XIRP1: variants seen among roughly 807,000 people sequenced by gnomAD.
The protein encoded by XIRP1 is xin actin binding repeat containing 1.
For missense variants in XIRP1, 2,378 were observed against 2,345.4 expected (o/e 1.01, Z -0.29); for synonymous variants, 984 against 947.0 (o/e 1.04, Z -0.72).
In XIRP1 at chr3:39,189,268, G is replaced by A. The variant is rs1214699102; in HGVS notation, c.178C>T (p.His60Tyr). Residue 60 changes from histidine to tyrosine, a missense_variant, in exon 2 of 2, where the codon CAC (histidine) becomes TAC (tyrosine). Coordinates refer to ENST00000340369, the MANE Select transcript of XIRP1 (RefSeq NM_194293.4). ...TTCTTGCGGAGCTCAGGGTGGATGT[G>A]CCTGTAGAGGCGGCGGAGCTCACTA... ...QASELRRLYR[H>Y]IHPELRKNLA... 3 of 1,614,062 alleles carry A rather than the reference G, an allele frequency of 1.9e-6. No individual in the cohort carries two copies. The highest frequency in any genetic ancestry group is 1.7e-6 in the Non-Finnish European group (2 of 1,180,044).
chr3:39,187,759 G>A lies in XIRP1; in HGVS notation c.1687C>T (p.His563Tyr). The A allele has an allele frequency of 6.2e-7, 1 of 1,614,106 alleles. No individual in the cohort carries two copies. Residue 563 changes from histidine to tyrosine, a missense_variant, in exon 2 of 2, where the codon CAC becomes TAC. His to Tyr is a moderately conservative substitution (Grantham distance 83, BLOSUM62 2). Transcript: ENST00000340369. ...TGTCGTTCCTGCTGCTCCCGTTGGT[G>A]GATCATCTCCAGGGGCTGGGTCTCA... Reference protein sequence around the residue: ...LFETQPLEMIHQREQQERQKE... With the variant: ...LFETQPLEMIYQREQQERQKE...
At position 39,191,817 on chromosome 3, in the gene XIRP1, C is replaced by T. The variant is rs529933418; in HGVS notation, c.-81+629G>A. On this transcript the variant is annotated intron_variant, in intron 1 of 1. Coordinates refer to ENST00000340369, the MANE Select transcript of XIRP1 (RefSeq NM_194293.4). The stretch of plus-strand genomic sequence containing the variant: ...TCTGGGCAAATTCAGATCTGGTCTC[C>T]CTCCCGTGAGCCCCCCAAATCTGCC... 2.0e-5 allele frequency among the ~76,000 whole-genome samples: 3 copies of T among 152,330 alleles called. No individual in the cohort carries two copies. The South Asian group carries it at 6.2e-4, about 32-fold the overall frequency.
rs2039908552 is a variant in XIRP1 at position 39,183,886 on chromosome 3, T to C, written c.*28A>G. Reference sequence around the variant, plus strand: ...TGGGGCAGTGGAGGCCAGGAACAGGTGGCAGGTGTGGTGGGAGGCGGTGGG... The same window carrying C: ...TGGGGCAGTGGAGGCCAGGAACAGGCGGCAGGTGTGGTGGGAGGCGGTGGG... On this transcript the variant is annotated 3_prime_UTR_variant, in exon 2 of 2. Transcript: ENST00000340369. 3.1e-6 allele frequency: 5 copies of C among 1,596,666 alleles called. No homozygotes were observed. Among genetic ancestry groups the C allele is most frequent in the African/African-American group, 1.3e-5 (1 of 74,706 alleles).
Position 39,188,025 on chromosome 3 carries a change from C to A in XIRP1, c.1421G>T (p.Gly474Val). 6.2e-7 allele frequency: 1 copy of A among 1,614,202 alleles called. No individual in the cohort carries two copies. Among genetic ancestry groups the A allele is most frequent in the Non-Finnish European group, 8.5e-7 (1 of 1,180,032 alleles). The change falls in exon 2 of 2, where the codon GGG (glycine) becomes GTG (valine). Residue 474 changes from glycine to valine, a missense_variant. Transcript: ENST00000340369. Reference sequence around the variant, plus strand: ...TGGGGACCCTATGCCCTGGGCCTGCCCAGCAGAATCAGTTCCTTCTTCTCT... The same window carrying A: ...TGGGGACCCTATGCCCTGGGCCTGCACAGCAGAATCAGTTCCTTCTTCTCT... ...PSREEGTDSA[G>V]QAQGIGSPVY...
chr3:39,191,448 C>G (rs892262042), intron 1 of XIRP1, among the ~76,000 whole-genome samples: 1 of 151,476 alleles, frequency 6.6e-6, no homozygotes, highest in African/African-American at 2.4e-5. Context: ...CCTAAGGACC[C>G]TCAGAGGTCA....
In XIRP1 at chr3:39,187,828, G is replaced by A; in HGVS notation, c.1618C>T (p.Gln540Ter). 2 of 1,614,052 alleles carry A rather than the reference G, an allele frequency of 1.2e-6. No homozygotes were observed. The highest frequency in any genetic ancestry group is 3.3e-4 in the Middle Eastern group (2 of 6,062). The part of the protein sequence containing the change: ...TIDVVRGITR[Q>*]EVVAGDVGTA... ...CCAACGTCCCCAGCCACCACTTCCTGCCGGGTGATGCCCCGCACCACGTCG... is the reference window on the plus strand; with the variant it reads ...CCAACGTCCCCAGCCACCACTTCCTACCGGGTGATGCCCCGCACCACGTCG... Residue 540 changes from glutamine to a stop codon, truncating the protein, a stop_gained, in exon 2 of 2, where the codon CAG becomes TAG. Coordinates refer to ENST00000340369, the MANE Select transcript of XIRP1 (RefSeq NM_194293.4). LOFTEE classifies it low-confidence loss of function (END_TRUNC).
At chr3:39,189,591 C>T (rs1575184433) in intron 1 of XIRP1, 66 bp from the exon 2 acceptor site, 3 of 1,226,218 alleles carry the variant, frequency 2.4e-6, no homozygotes, top group Non-Finnish European at 1.1e-6. Flanking sequence ...CGCTTAGAGA[C>T]TCCTTCCCTC....
In XIRP1 at chr3:39,188,542, G is replaced by A. The variant is rs777705177; in HGVS notation, c.904C>T (p.Pro302Ser). ...ATCCAGCGAGTTGCACTGACGTCGGGCCGGGCCCCCTCCTCCAGGGAAATC... is the reference window on the plus strand; with the variant it reads ...ATCCAGCGAGTTGCACTGACGTCGGACCGGGCCCCCTCCTCCAGGGAAATC... ...RGISLEEGAR[P>S]DVSATRWIFE... The change falls in exon 2 of 2, where the codon CCC (proline) becomes TCC (serine). Residue 302 changes from proline (P) to serine (S), a missense_variant. Transcript: ENST00000340369. The A allele has an allele frequency of 6.2e-7, 1 of 1,611,312 alleles. No homozygotes were observed. The highest frequency in any genetic ancestry group is 1.1e-5 in the South Asian group (1 of 91,040).
rs773463866 is a variant in XIRP1, at chr3:39,187,175, G to C, written c.2271C>G (p.Ser757Arg). 79 of 1,603,534 alleles carry C rather than the reference G, an allele frequency of 4.9e-5. No individual in the cohort carries two copies. The highest frequency in any genetic ancestry group is 1.2e-4 in the South Asian group (11 of 90,674). Residue 757 changes from serine (S) to arginine (R), a missense_variant, in exon 2 of 2, where the codon AGC becomes AGG. Physicochemically the swap from Ser to Arg is moderately radical, Grantham distance 110. Coordinates refer to ENST00000340369, the MANE Select transcript of XIRP1 (RefSeq NM_194293.4). ...GGNLLEEQPM[S>R]PSGNRMQESQ... ...TCTCTTGCATCCTGTTGCCTGAGGG[G>C]CTCATGGGCTGCTCTTCCAGGAGGT...
intron 1 of XIRP1, among the ~76,000 whole-genome samples, chr3:39,190,020 C>CT (rs2040065740): frequency 1.3e-5 from 2 of 152,188 alleles, no homozygotes; most frequent in African/African-American, 4.8e-5. Flanking sequence ...CGCTGCCTAA[C>CT]TTTTACCTCT....
chr3:39,185,113 A>G lies in XIRP1; in HGVS notation c.4333T>C (p.Ser1445Pro), dbSNP rs982199127. 7 of 1,552,664 alleles carry G rather than the reference A, an allele frequency of 4.5e-6. No homozygotes were observed. The African/African-American group carries it at 8.3e-5, about 18-fold the overall frequency. ...PTSPQWGPGPSGEQPMEGSHQ... is the reference protein window; with the variant it reads ...PTSPQWGPGPPGEQPMEGSHQ... ...GAACCTTCCATGGGCTGCTCTCCTG[A>G]GGGGCCGGGGCCCCACTGTGGTGAG... The change falls in exon 2 of 2, where the codon TCA (serine) becomes CCA (proline). Residue 1445 changes from serine to proline, a missense_variant. Transcript: ENST00000340369.
chr3:39,186,540 C>T lies in XIRP1; in HGVS notation c.2906G>A (p.Ser969Asn), dbSNP rs780352812. ...GTCCAGTGGGGGAACATGGATGATG[C>T]TCTCAGTTGGGTGCAGGCTCTGGGC... ...EGAQSLHPTE[S>N]IIHVPPLDPS... Residue 969 changes from serine to asparagine, a missense_variant, in exon 2 of 2, where the codon AGC becomes AAC. Ser to Asn is a conservative substitution (Grantham distance 46, BLOSUM62 1). Transcript: ENST00000340369. 3 of 1,611,960 alleles carry T rather than the reference C, an allele frequency of 1.9e-6. No individual in the cohort carries two copies. The highest frequency in any genetic ancestry group is 2.7e-5 in the African/African-American group (2 of 74,700).
In XIRP1 at chr3:39,184,886, G is replaced by A; in HGVS notation, c.4560C>T (p.Ala1520=). The change falls in exon 2 of 2, where the codon GCC becomes GCT. Residue 1520 remains alanine (A), a synonymous_variant. Coordinates refer to ENST00000340369, the MANE Select transcript of XIRP1 (RefSeq NM_194293.4). ...QAPAAHQKPE[A]SVEQAFGELT... ...GCTCCCCAAAGGCCTGCTCCACTGA[G>A]GCCTCGGGCTTTTGGTGGGCAGCAG... 4 of 1,598,092 alleles carry A rather than the reference G, an allele frequency of 2.5e-6. No homozygotes were observed. Among genetic ancestry groups the A allele is most frequent in the Non-Finnish European group, 3.4e-6 (4 of 1,169,938 alleles).
At position 39,186,312 on chromosome 3, in the gene XIRP1, C is replaced by T. The variant is rs2039971246; in HGVS notation, c.3134G>A (p.Gly1045Glu). ...KSEGATTTPP[G>E]PGAPDLLAAM... ...GGCCAGGAGGTCTGGGGCCCCAGGC[C>T]CCGGAGGGGTAGTCGTGGCTCCTTC... Residue 1045 changes from glycine (G) to glutamate (E), a missense_variant, in exon 2 of 2, where the codon GGG (glycine) becomes GAG (glutamate). Transcript: ENST00000340369. 2 of 1,613,988 alleles carry T rather than the reference C, an allele frequency of 1.2e-6. No homozygotes were observed. Among genetic ancestry groups the T allele is most frequent in the East Asian group, 2.2e-5 (1 of 44,864 alleles).
intron 1 of XIRP1, among the ~76,000 whole-genome samples, chr3:39,189,786 C>T (rs958000484): frequency 3.9e-5 from 6 of 152,172 alleles, no homozygotes; most frequent in Non-Finnish European, 8.8e-5. Context: ...CCATAAGGGA[C>T]GCATAAACCT....
At position 39,188,726 on chromosome 3, in the gene XIRP1, CAG is replaced by C; in HGVS notation, c.718_719del (p.Leu240ValfsTer12). ...CGCCCTCTGCATCCTGGATGGCACA[CAG>C]GGGCTCCGTTTGGAAGAGCTTCACT... is the stretch of plus-strand genomic sequence containing the variant. ...KTVKLFQTEP[L>X]CAIQDAEGAI... On this transcript the variant is annotated frameshift_variant, in exon 2 of 2. Coordinates refer to ENST00000340369, the MANE Select transcript of XIRP1 (RefSeq NM_194293.4). LOFTEE classifies it low-confidence loss of function (END_TRUNC). The C allele has an allele frequency of 6.2e-7, 1 of 1,613,778 alleles. No homozygotes were observed. The highest frequency in any genetic ancestry group is 8.5e-7 in the Non-Finnish European group (1 of 1,180,044).
Position 39,186,006 on chromosome 3 carries a change from G to C in XIRP1, c.3440C>G (p.Pro1147Arg). The change falls in exon 2 of 2, where the codon CCC (proline) becomes CGC (arginine). Residue 1147 changes from proline (P) to arginine (R), a missense_variant. Transcript: ENST00000340369. ...TIQDGIYTAH[P>R]VRTFDPPGGV... ...CCCAGGTGGGTCAAAGGTCCTCACG[G>C]GATGAGCGGTGTAGATGCCATCCTG... 1.2e-6 allele frequency: 2 copies of C among 1,614,146 alleles called. No homozygotes were observed. Among genetic ancestry groups the C allele is most frequent in the South Asian group, 1.1e-5 (1 of 91,082 alleles).
rs551781418 is a variant in XIRP1, at chr3:39,184,296, T to C, written c.5150A>G (p.Asp1717Gly). 5.0e-6 allele frequency: 8 copies of C among 1,614,164 alleles called. No homozygotes were observed. In the South Asian group the frequency reaches 8.8e-5, roughly 18 times the overall value. Residue 1717 changes from aspartate to glycine, a missense_variant, in exon 2 of 2, where the codon GAC becomes GGC. Physicochemically the swap from Asp to Gly is moderately conservative, Grantham distance 94. Coordinates refer to ENST00000340369, the MANE Select transcript of XIRP1 (RefSeq NM_194293.4). Reference protein sequence around the residue: ...QALLHQKGVQDKTGKKDITQC... With the variant: ...QALLHQKGVQGKTGKKDITQC... Reference sequence around the variant, plus strand: ...GGTGATGTCCTTCTTCCCAGTTTTGTCTTGGACACCTTTCTGGTGGAGCAG... The same window carrying C: ...GGTGATGTCCTTCTTCCCAGTTTTGCCTTGGACACCTTTCTGGTGGAGCAG...
Position 39,186,083 on chromosome 3 carries a change from A to T in XIRP1, c.3363T>A (p.Ser1121Arg). ...CTCTGGGTAGTGCTTGCTCTTCCCT[A>T]CTGACCTTTCTGGGGGCTGCTGGGA... ...PRIPAAPRKV[S>R]REEQALPRGL... The change falls in exon 2 of 2, where the codon AGT becomes AGA. Residue 1121 changes from serine (S) to arginine (R), a missense_variant. Coordinates refer to ENST00000340369, the MANE Select transcript of XIRP1 (RefSeq NM_194293.4). The T allele has an allele frequency of 6.2e-7, 1 of 1,613,944 alleles. No individual in the cohort carries two copies. Among genetic ancestry groups the T allele is most frequent in the Non-Finnish European group, 8.5e-7 (1 of 1,179,912 alleles).
Sources: gnomAD v4.1 joint callset for allele counts (sites outside exome capture counted in the v4.1 genomes callset) on GRCh38, gnomAD v4.1.1 for gene constraint, MANE v1.5 for transcripts, NCBI Gene and HGNC (gene_info 2026-07-23, HGNC 2026-07-21) for gene names.